The following GARNL3 variants were observed in gnomAD, a reference collection of about 807,000 sequenced individuals.
GARNL3 encodes GTPase activating Rap/RanGAP domain like 3, also known as GTPase-activating Rap/Ran-GAP domain-like protein 3.
A neutral mutation model predicts 125.0 loss-of-function variants in GARNL3; 63 were observed. The ratio of observed to expected loss-of-function variants is 0.50; its 90% CI spans 0.41 to 0.62. The LOEUF is 0.62. Among genes scored for constraint, GARNL3 ranks in the 20% least tolerant of loss-of-function variants. The pLI, the probability that GARNL3 is intolerant of heterozygous loss-of-function variation, is 0.00. For synonymous variants in GARNL3, 439 were observed against 457.5 expected (o/e 0.96, Z 0.52); for missense variants, 994 against 1,244.0 (o/e 0.80, Z 3.02).
chr9:127,370,975 C>T (rs1390168670), intron 22 of GARNL3, among the ~76,000 whole-genome samples: 1 of 152,216 alleles, frequency 6.6e-6, no homozygotes, highest in African/African-American at 2.4e-5. Flanking sequence ...TCGGACTCAA[C>T]CTGTCCACCC....
At chr9:127,387,483 C>A in intron 25 of GARNL3, 152 bp downstream of exon 25, 1 of 765,344 alleles carries the variant, frequency 1.3e-6, no homozygotes, top group Non-Finnish European at 2.0e-6. Flanking sequence ...TGGCTCACCC[C>A]TATAATCCCA....
intron 22 of GARNL3, among the ~76,000 whole-genome samples, chr9:127,376,680 A>G (rs1470935956): frequency 1.3e-5 from 2 of 152,142 alleles, no homozygotes. Flanking sequence ...GTGACATCCT[A>G]GATTCAATGA....
At chr9:127,342,987 T>A (rs1829950148) in intron 14 of GARNL3, among the ~76,000 whole-genome samples, 1 of 141,942 alleles carries the variant, frequency 7.0e-6, no homozygotes. Context: ...AACCTCCACC[T>A]CCTGGGTTCA....
At chr9:127,309,001 C>T (rs2065027362) in intron 2 of GARNL3, among the ~76,000 whole-genome samples, 1 of 152,056 alleles carries the variant, frequency 6.6e-6, no homozygotes, top group African/African-American at 2.4e-5. Flanking sequence ...ATTCTTGCAG[C>T]TTTTATATAA....
At chr9:127,375,766 C>A (rs539164334) in intron 22 of GARNL3, among the ~76,000 whole-genome samples, 2 of 152,174 alleles carry the variant, frequency 1.3e-5, no homozygotes, top group African/African-American at 4.8e-5. Context: ...AAAGGCATTG[C>A]GACTGCCTTA....
intron 7 of GARNL3, among the ~76,000 whole-genome samples, chr9:127,331,739 A>ATTTTTTTT (rs1564147694): frequency 5.8e-4 from 19 of 33,022 alleles, no homozygotes; most frequent in East Asian, 2.6e-3. Flanking sequence ...TTTTTTTCAC[A>ATTTTTTTT]TCTGTTTTGT....
chr9:127,279,495 G>C (rs982813827), intron 1 of GARNL3, among the ~76,000 whole-genome samples: 2 of 151,698 alleles, frequency 1.3e-5, no homozygotes, highest in African/African-American at 4.8e-5. Flanking sequence ...TACTGTTTTA[G>C]TTCCCTAAAA....
intron 1 of GARNL3, among the ~76,000 whole-genome samples, chr9:127,281,623 C>G (rs1234195331): frequency 1.3e-5 from 2 of 152,188 alleles, no homozygotes; most frequent in Non-Finnish European, 2.9e-5. Flanking sequence ...TCCCCCTACT[C>G]TGGTCCTCAC....
intron 27 of GARNL3, among the ~76,000 whole-genome samples, chr9:127,391,524 C>CAAAAAAAA (rs763160611): frequency 4.3e-5 from 3 of 70,444 alleles, no homozygotes; most frequent in Non-Finnish European, 6.7e-5. Flanking sequence ...CCCATCTCTA[C>CAAAAAAAA]AAAAAAAAAA....
At chr9:127,252,932 G>A (rs920571868) in intron 2 of GARNL3, among the ~76,000 whole-genome samples, 1 of 152,142 alleles carries the variant, frequency 6.6e-6, no homozygotes, top group African/African-American at 2.4e-5. Flanking sequence ...CAGCTAGTGA[G>A]CCATGTCACA....
intron 14 of GARNL3, among the ~76,000 whole-genome samples, 196 bp from the exon 15 acceptor site, chr9:127,344,039 C>G (rs761093359): frequency 6.6e-6 from 1 of 152,126 alleles, no homozygotes; most frequent in Non-Finnish European, 1.5e-5. Flanking sequence ...AATGCTGGCT[C>G]TCCACCTAGT....
intron 1 of GARNL3, among the ~76,000 whole-genome samples, chr9:127,235,329 G>A (rs867692530): frequency 5.3e-5 from 8 of 151,710 alleles, no homozygotes; most frequent in Admixed American, 5.3e-4. Context: ...GGTAGGAAAC[G>A]TTTGAAAGAA....
At chr9:127,233,478 T>C (rs911287138) in intron 1 of GARNL3, among the ~76,000 whole-genome samples, 4 of 152,198 alleles carry the variant, frequency 2.6e-5, no homozygotes, top group Non-Finnish European at 4.4e-5. Flanking sequence ...TCATTATATC[T>C]GGGATGCTTT....
chr9:127,246,997 A>G (rs2063317085), intron 2 of GARNL3, among the ~76,000 whole-genome samples: 1 of 137,854 alleles, frequency 7.3e-6, no homozygotes, highest in Non-Finnish European at 1.5e-5. Flanking sequence ...AGGATTCTAG[A>G]TGGCGAGATT....
chr9:127,374,643 C>A (rs1475800364), intron 22 of GARNL3, among the ~76,000 whole-genome samples: 1 of 152,106 alleles, frequency 6.6e-6, no homozygotes, highest in Non-Finnish European at 1.5e-5. Flanking sequence ...AAAGAACTCT[C>A]AATGATAAGA....
chr9:127,297,473 A>G (rs1306541150), intron 2 of GARNL3, among the ~76,000 whole-genome samples: 4 of 152,258 alleles, frequency 2.6e-5, no homozygotes, highest in African/African-American at 9.6e-5. Context: ...CTTTTTTAAC[A>G]CAAGGACAAT....
intron 17 of GARNL3, among the ~76,000 whole-genome samples, chr9:127,350,449 T>C (rs1164533834): frequency 2.6e-5 from 4 of 152,136 alleles, no homozygotes; most frequent in Non-Finnish European, 5.9e-5. Context: ...GCAGCTATTA[T>C]CTTTACTATG....
Position 127,342,239 on chromosome 9 carries a change from A to G in GARNL3, c.1156A>G (p.Thr386Ala). Reference sequence around the variant, plus strand: ...TTTAGTAATTAATGGTGAAAAAGCCACTTTGGAAACCCCAACATTTGCCCA... The same window carrying G: ...TTTAGTAATTAATGGTGAAAAAGCCGCTTTGGAAACCCCAACATTTGCCCA... ...LVKLINGEKA[T>A]LETPTFAQKR... The change falls in exon 14 of 28, where the codon ACT becomes GCT. Residue 386 changes from threonine to alanine, a missense_variant. Physicochemically the swap from Thr to Ala is moderately conservative, Grantham distance 58. This residue lies in a region of GARNL3 where 728 missense variants were observed against 865.7 expected (regional missense o/e 0.84). Transcript: ENST00000373387. The G allele has an allele frequency of 6.2e-7, 1 of 1,612,916 alleles. No homozygotes were observed. The highest frequency in any genetic ancestry group is 8.5e-7 in the Non-Finnish European group (1 of 1,178,888).
At chr9:127,343,618 G>A (rs1358792195) in intron 14 of GARNL3, among the ~76,000 whole-genome samples, 2 of 152,200 alleles carry the variant, frequency 1.3e-5, no homozygotes, top group Non-Finnish European at 2.9e-5. Flanking sequence ...AGAAGACTAG[G>A]TGCTCAGTCG....
Sources: gnomAD v4.1 joint callset for allele counts (sites outside exome capture counted in the v4.1 genomes callset) on GRCh38, gnomAD v4.1.1 for gene constraint, gnomAD v4.1.1 regional missense constraint, MANE v1.5 for transcripts, NCBI Gene and HGNC (gene_info 2026-07-23, HGNC 2026-07-21) for gene names.